NOS1: variants seen among roughly 807,000 people sequenced by gnomAD.
NOS1 encodes NOS type I.
NOS1 carries 51 observed loss-of-function variants against 164.5 expected under a neutral mutation model. That is an observed-to-expected ratio of 0.31 (90% CI 0.25 to 0.39). NOS1 has a LOEUF of 0.39. Ranked by LOEUF, NOS1 falls within the 10% of genes least tolerant of loss-of-function variation. The probability of loss-of-function intolerance (pLI) is 1.00; values close to 1 mark genes in which losing one functional copy is unlikely to be tolerated. For missense variants in NOS1, 1,362 were observed against 1,885.6 expected (o/e 0.72, Z 5.14); for synonymous variants, 719 against 745.8 (o/e 0.96, Z 0.59).
At chr12:117,260,406 C>A in intron 14 of NOS1, 59 bp downstream of exon 14, 2 of 1,590,236 alleles carry the variant, frequency 1.3e-6, no homozygotes, top group South Asian at 1.1e-5. Context: ...TCCCTCTCTC[C>A]CCTTCCTGCC....
At chr12:117,287,477 C>G (rs375193974) in intron 5 of NOS1, among the ~76,000 whole-genome samples, 2 of 151,452 alleles carry the variant, frequency 1.3e-5, no homozygotes, top group Admixed American at 1.3e-4. Flanking sequence ...TCGCTCTGTT[C>G]GCCCAGGCTG....
chr12:117,265,236 G>T, intron 12 of NOS1, 80 bp downstream of exon 12: 1 of 1,310,936 alleles, frequency 7.6e-7, no homozygotes, highest in East Asian at 2.6e-5. Context: ...GCACTAGCCT[G>T]GGTTGAAATG....
chr12:117,313,469 GT>G (rs146610042), intron 2 of NOS1, among the ~76,000 whole-genome samples: 1,878 of 152,142 alleles, frequency 0.012, 45 homozygotes, highest in African/African-American at 0.044. Flanking sequence ...AATGTTTTAA[GT>G]TTTTTTGTAG....
intron 2 of NOS1, among the ~76,000 whole-genome samples, chr12:117,316,798 G>C (rs1351327785): frequency 2.0e-5 from 3 of 152,098 alleles, no homozygotes; most frequent in African/African-American, 7.2e-5. Context: ...CCTCAAACTT[G>C]GATGTTAGAT....
chr12:117,226,872 A>G, intron 23 of NOS1, 102 bp from the exon 24 acceptor site: 1 of 844,116 alleles, frequency 1.2e-6, no homozygotes, highest in Admixed American at 2.0e-5. Context: ...TGCCAAGTTT[A>G]TCCTTTGGAA....
At chr12:117,241,635 C>T (rs568772731) in intron 20 of NOS1, among the ~76,000 whole-genome samples, 7 of 152,164 alleles carry the variant, frequency 4.6e-5, no homozygotes, top group African/African-American at 1.4e-4. Flanking sequence ...TATGCAAAGA[C>T]TTTCATTAGT....
intron 28 of NOS1, among the ~76,000 whole-genome samples, chr12:117,216,780 T>C (rs1341284954): frequency 6.6e-6 from 1 of 152,098 alleles, no homozygotes; most frequent in African/African-American, 2.4e-5. Context: ...CACCTGGCCT[T>C]AAAGGCTTTT....
chr12:117,283,858 A>G (rs1480143850), intron 7 of NOS1, among the ~76,000 whole-genome samples: 1 of 148,370 alleles, frequency 6.7e-6, no homozygotes, highest in Non-Finnish European at 1.5e-5. Flanking sequence ...TCTGTCTCAA[A>G]AAAAAAAAAA....
chr12:117,247,773 C>T (rs1258445790), intron 17 of NOS1, among the ~76,000 whole-genome samples: 4 of 151,934 alleles, frequency 2.6e-5, no homozygotes, highest in East Asian at 1.9e-4. Flanking sequence ...GGTGAAACCC[C>T]GTCTCTACTA....
chr12:117,281,689 C>T (rs1873681799), intron 7 of NOS1, among the ~76,000 whole-genome samples: 1 of 151,606 alleles, frequency 6.6e-6, no homozygotes, highest in Admixed American at 6.6e-5. Context: ...CAAAAATTAG[C>T]TGGCTGTGGT....
chr12:117,232,903 T>G (rs902861210), intron 21 of NOS1, among the ~76,000 whole-genome samples: 5 of 152,064 alleles, frequency 3.3e-5, no homozygotes, highest in Non-Finnish European at 5.9e-5. Context: ...AGGGTCTCAC[T>G]CTGTTGCCCA....
intron 21 of NOS1, among the ~76,000 whole-genome samples, chr12:117,233,056 T>TTTTTTA (rs1869390712): frequency 2.7e-5 from 4 of 147,674 alleles, no homozygotes; most frequent in Admixed American, 6.8e-5. Flanking sequence ...TTTTTTTTTT[T>TTTTTTA]GAGATGGAGT....
At chr12:117,221,972 T>C (rs9658524) in intron 26 of NOS1, among the ~76,000 whole-genome samples, 2,871 of 152,108 alleles carry the variant, frequency 0.019, 84 homozygotes, top group African/African-American at 0.066. Context: ...ACATTTTTCA[T>C]TATGGTAAAA....
chr12:117,335,548 C>T (rs1226429030), intron 1 of NOS1, among the ~76,000 whole-genome samples: 2 of 152,070 alleles, frequency 1.3e-5, no homozygotes, highest in Non-Finnish European at 1.5e-5. Flanking sequence ...AATAGGCCAG[C>T]GTCTGCTACT....
chr12:117,213,288 G>T lies in NOS1; in HGVS notation c.*2021C>A. 1 of 985,520 alleles carries T rather than the reference G, an allele frequency of 1.0e-6. No individual in the cohort carries two copies. The highest frequency in any genetic ancestry group is 1.2e-6 in the Non-Finnish European group (1 of 829,998). The allele number at this position is 985,520 out of a possible 1,614,324, so 61.0% of individuals were successfully genotyped here. On this transcript the variant is annotated 3_prime_UTR_variant, in exon 29 of 29. Coordinates refer to ENST00000317775, the MANE Select transcript of NOS1 (RefSeq NM_000620.5). ...AGGATTGGAAAGAAAGCCTTTGGGA[G>T]GAAAGCTACTAGGAGCTGGAAATGG...
chr12:117,220,046 G>T (rs1249705211), intron 27 of NOS1, 29 bp downstream of exon 27: 2 of 1,575,406 alleles, frequency 1.3e-6, no homozygotes, highest in Non-Finnish European at 1.7e-6. Context: ...TGTAGGAAAA[G>T]GGACCTGGGA....
chr12:117,291,223 A>C (rs1047957643), intron 3 of NOS1, among the ~76,000 whole-genome samples: 3 of 152,196 alleles, frequency 2.0e-5, no homozygotes, highest in Non-Finnish European at 4.4e-5. Context: ...CAGAAAAATA[A>C]TAATGAAATA....
intron 1 of NOS1, among the ~76,000 whole-genome samples, chr12:117,341,212 C>T (rs1038410864): frequency 2.6e-5 from 4 of 152,264 alleles, no homozygotes; most frequent in East Asian, 3.9e-4. Flanking sequence ...GTAAAAGGTA[C>T]GGACACGTGG....
chr12:117,332,963 CA>C (rs1198280145), intron 1 of NOS1, among the ~76,000 whole-genome samples: 1 of 152,206 alleles, frequency 6.6e-6, no homozygotes, highest in Non-Finnish European at 1.5e-5. Context: ...CTGACTCTCT[CA>C]GGCTCAAAGA....
Sources: gnomAD v4.1 joint callset for allele counts (sites outside exome capture counted in the v4.1 genomes callset) on GRCh38, gnomAD v4.1.1 for gene constraint, MANE v1.5 for transcripts, NCBI Gene and HGNC (gene_info 2026-07-23, HGNC 2026-07-21) for gene names.